Variants in ZNF560 observed in about 807,000 individuals in gnomAD.
ZNF560 encodes the protein zinc finger protein 560.
Under a neutral mutation model 81.8 loss-of-function variants are expected in ZNF560, and 54 were observed. The observed-to-expected ratio is 0.66, with a 90% CI of 0.53 to 0.83. The LOEUF is 0.83. Among genes scored for constraint, ZNF560 ranks in the 40% least tolerant of loss-of-function variants. The pLI is 0.00. For missense variants in ZNF560, 940 were observed against 932.4 expected, an observed-to-expected ratio of 1.01 and a Z score of -0.11; for synonymous variants, 321 against 317.9, an observed-to-expected ratio of 1.01 and a Z score of -0.10.
chr19:9,478,653 A>C (rs1476948010), intron 2 of ZNF560, among the ~76,000 whole-genome samples: 2 of 152,148 alleles, frequency 1.3e-5, no homozygotes, highest in East Asian at 3.9e-4. Flanking sequence ...AAATGAGGAG[A>C]GGTTGAGTTA....
intron 2 of ZNF560, among the ~76,000 whole-genome samples, chr19:9,487,051 A>C (rs1568463309): frequency 2.6e-5 from 4 of 152,162 alleles, no homozygotes; most frequent in African/African-American, 9.7e-5. Flanking sequence ...CCTATTTAGG[A>C]AAGTTTTAAG....
downstream of ZNF560, among the ~76,000 whole-genome samples, chr19:9,462,675 A>C (rs1406534189): frequency 6.6e-6 from 1 of 152,192 alleles, no homozygotes; most frequent in Non-Finnish European, 1.5e-5. Flanking sequence ...TAGCAAAAAA[A>C]AAAGTTAATC....
the ZNF560 span, among the ~76,000 whole-genome samples, chr19:9,451,476 T>G: frequency 6.6e-6 from 1 of 152,160 alleles, no homozygotes; most frequent in Non-Finnish European, 1.5e-5. Flanking sequence ...TCAGGATGGA[T>G]TAAAGACTTA....
chr19:9,455,069 C>A, the ZNF560 span, among the ~76,000 whole-genome samples: 1 of 151,990 alleles, frequency 6.6e-6, no homozygotes, highest in Non-Finnish European at 1.5e-5. Context: ...GAGTGACCGC[C>A]CTCAGTTCTA....
chr19:9,457,145 T>C, the ZNF560 span, among the ~76,000 whole-genome samples: 8 of 152,080 alleles, frequency 5.3e-5, no homozygotes, highest in Admixed American at 3.9e-4. Context: ...TAGCTCAAAC[T>C]CTCTCCCCTT....
chr19:9,466,660 T>C lies in ZNF560; in HGVS notation c.2287A>G (p.Met763Val), dbSNP rs745443805. ...TCACATTCAAAGGGTTTCTCTCCCA[T>C]ATGAGTTCTTAAATGTTGAATACGT... ...SGRIQHLRTH[M>V]GEKPFECDQC... The change falls in exon 10 of 10, where the codon ATG becomes GTG. Residue 763 changes from methionine (M) to valine (V), a missense_variant. Physicochemically the swap from Met to Val is conservative, Grantham distance 21 (BLOSUM62 1). Transcript: ENST00000301480. 1.2e-6 allele frequency: 2 copies of C among 1,614,032 alleles called. No homozygotes were observed. Among genetic ancestry groups the C allele is most frequent in the Non-Finnish European group, 1.7e-6 (2 of 1,179,958 alleles).
At chr19:9,471,892 C>G (rs774667573) in intron 5 of ZNF560, among the ~76,000 whole-genome samples, 46 of 152,294 alleles carry the variant, frequency 3.0e-4, no homozygotes, top group South Asian at 8.3e-4. Context: ...GGGCGGATCA[C>G]AAGGTTAGGA....
chr19:9,466,244 A>C (rs1305605551), downstream of ZNF560, among the ~76,000 whole-genome samples: 1 of 150,040 alleles, frequency 6.7e-6, no homozygotes, highest in Non-Finnish European at 1.5e-5. Flanking sequence ...TACTCAGGAG[A>C]CTAAAGCAGG....
chr19:9,455,046 C>A, the ZNF560 span, among the ~76,000 whole-genome samples: 10 of 152,036 alleles, frequency 6.6e-5, no homozygotes, highest in African/African-American at 2.4e-4. Context: ...AGCAACTGTT[C>A]GAGCAGAGCC....
At chr19:9,487,327 T>C (rs1053754890) in intron 2 of ZNF560, among the ~76,000 whole-genome samples, 6 of 152,210 alleles carry the variant, frequency 3.9e-5, no homozygotes, top group Non-Finnish European at 8.8e-5. Flanking sequence ...TTTACTTATA[T>C]GGCCAATCAG....
intron 4 of ZNF560, 130 bp downstream of exon 4, chr19:9,474,069 A>T: frequency 1.9e-6 from 2 of 1,031,086 alleles, no homozygotes; most frequent in Non-Finnish European, 3.0e-6. Flanking sequence ...GACCACAGTA[A>T]TTAAGACCTA....
chr19:9,445,936 T>C, the ZNF560 span, among the ~76,000 whole-genome samples: 1 of 152,178 alleles, frequency 6.6e-6, no homozygotes, highest in Admixed American at 6.5e-5. Context: ...GTCTATGGTA[T>C]GTCTCATTGC....
intron 2 of ZNF560, among the ~76,000 whole-genome samples, chr19:9,480,929 CA>C (rs2073278018): frequency 6.6e-6 from 1 of 151,676 alleles, no homozygotes; most frequent in Non-Finnish European, 1.5e-5. Flanking sequence ...ACAAAAAATA[CA>C]AAAATTAGTT....
At chr19:9,485,186 C>T (rs911167642) in intron 2 of ZNF560, among the ~76,000 whole-genome samples, 1 of 152,146 alleles carries the variant, frequency 6.6e-6, no homozygotes, top group Non-Finnish European at 1.5e-5. Flanking sequence ...ACCAATCCTT[C>T]TGAAATTATT....
At chr19:9,465,276 G>T (rs1309652805), downstream of ZNF560, among the ~76,000 whole-genome samples, 1 of 152,040 alleles carries the variant, frequency 6.6e-6, no homozygotes, top group African/African-American at 2.4e-5. Context: ...GATTACAGGG[G>T]TGTACCACCA....
At chr19:9,489,437 AGACGGTAGGCAGCT>A (rs1296840285) in intron 2 of ZNF560, among the ~76,000 whole-genome samples, 1 of 149,814 alleles carries the variant, frequency 6.7e-6, no homozygotes, top group Non-Finnish European at 1.5e-5. Flanking sequence ...CTCACTTCCC[AGACGGTAGGCAGCT>A]GAGCAGAGAT....
Position 9,466,616 on chromosome 19 carries a change from A to C in ZNF560, c.2331T>G (p.Phe777Leu). ...GTGCAATACGAGCTGAGAAAGAAGC[A>C]AAGGCTTTCCCACACTGGTCACATT... ...PFECDQCGKA[F>L]ASFSARIAHL... is the part of the protein sequence containing the mutation. The change falls in exon 10 of 10, where the codon TTT becomes TTG. Residue 777 changes from phenylalanine to leucine, a missense_variant. By Grantham distance (22) the Phe-to-Leu change is conservative. Coordinates refer to ENST00000301480, the MANE Select transcript of ZNF560 (RefSeq NM_152476.3). 1 of 1,609,396 alleles carries C rather than the reference A, an allele frequency of 6.2e-7. No homozygotes were observed. Among genetic ancestry groups the C allele is most frequent in the Non-Finnish European group, 8.5e-7 (1 of 1,176,968 alleles).
At position 9,471,356 on chromosome 19, in the gene ZNF560, G is replaced by T; in HGVS notation, c.261C>A (p.Thr87=). The part of the protein sequence containing the change: ...VLQDWAIKHQ[T]SVSALQQEFW... Reference sequence around the variant, plus strand: ...ACTCCTGCTGCAGTGCTGAAACACTGGTTTGATGTTTTATTGCCCAGTCTG... The same window carrying T: ...ACTCCTGCTGCAGTGCTGAAACACTTGTTTGATGTTTTATTGCCCAGTCTG... The change falls in exon 6 of 10, where the codon ACC becomes ACA. Residue 87 remains threonine (T), a synonymous_variant. Transcript: ENST00000301480. 6.3e-7 allele frequency: 1 copy of T among 1,586,540 alleles called. No individual in the cohort carries two copies. Among genetic ancestry groups the T allele is most frequent in the Non-Finnish European group, 8.6e-7 (1 of 1,168,780 alleles).
the ZNF560 span, among the ~76,000 whole-genome samples, chr19:9,448,562 G>A: frequency 2.6e-4 from 39 of 151,860 alleles, no homozygotes; most frequent in Non-Finnish European, 4.1e-4. Flanking sequence ...ACATGAAGAC[G>A]AAAGAATGAT....
Sources: gnomAD v4.1 joint callset for allele counts (sites outside exome capture counted in the v4.1 genomes callset) on GRCh38, gnomAD v4.1.1 for gene constraint, MANE v1.5 for transcripts, NCBI Gene and HGNC (gene_info 2026-07-23, HGNC 2026-07-21) for gene names.